Variants in SCAMP1 observed in about 807,000 individuals in gnomAD.
SCAMP1 encodes secretory carrier membrane protein 1.
Under a neutral mutation model 41.8 loss-of-function variants are expected in SCAMP1, and 15 were observed. The observed-to-expected ratio is 0.36, with a 90% CI of 0.24 to 0.55. SCAMP1 has a LOEUF of 0.55. Ranked by LOEUF, SCAMP1 falls within the 20% of genes least tolerant of loss-of-function variation. The pLI is 0.86. For synonymous variants in SCAMP1, 135 were observed against 136.8 expected, an observed-to-expected ratio of 0.99 and a Z score of 0.09; for missense variants, 341 against 412.6, an observed-to-expected ratio of 0.83 and a Z score of 1.50.
chr5:78,362,674 CTG>C (rs1297336158), intron 1 of SCAMP1, among the ~76,000 whole-genome samples: 3 of 152,246 alleles, frequency 2.0e-5, no homozygotes, highest in East Asian at 1.9e-4. Context: ...TTTTTGGTGA[CTG>C]TTATAGCACT....
intron 1 of SCAMP1, among the ~76,000 whole-genome samples, chr5:78,368,747 A>T (rs533582524): frequency 6.6e-6 from 1 of 152,272 alleles, no homozygotes; most frequent in East Asian, 1.9e-4. Flanking sequence ...TACTCAGTGG[A>T]TTTAGTCTAC....
At chr5:78,360,881 C>G (rs1450272443) in intron 1 of SCAMP1, 153 bp downstream of exon 1, 2 of 712,316 alleles carry the variant, frequency 2.8e-6, no homozygotes, top group African/African-American at 3.6e-5. Flanking sequence ...GGGGTCGCGC[C>G]CCGGCCCCGT....
At chr5:78,440,866 G>A (rs1752903754) in intron 6 of SCAMP1, among the ~76,000 whole-genome samples, 1 of 152,190 alleles carries the variant, frequency 6.6e-6, no homozygotes, top group African/African-American at 2.4e-5. Context: ...CCCAGTTCGA[G>A]CTTCCCAGCA....
chr5:78,408,391 G>A (rs1751986687), intron 2 of SCAMP1, among the ~76,000 whole-genome samples: 1 of 152,154 alleles, frequency 6.6e-6, no homozygotes, highest in Non-Finnish European at 1.5e-5. Flanking sequence ...AATTATGGGA[G>A]CTGCAATTCA....
intron 2 of SCAMP1, among the ~76,000 whole-genome samples, chr5:78,398,086 T>G (rs1039992204): frequency 9.9e-5 from 15 of 152,216 alleles, no homozygotes; most frequent in Non-Finnish European, 1.0e-4. Flanking sequence ...GACCCTGTAA[T>G]TCCACTCTTG....
intron 2 of SCAMP1, among the ~76,000 whole-genome samples, chr5:78,390,857 AACG>A (rs1751471804): frequency 6.6e-6 from 1 of 150,944 alleles, no homozygotes; most frequent in Non-Finnish European, 1.5e-5. Flanking sequence ...GATGACTCTT[AACG>A]AGCATGCTGC....
intron 6 of SCAMP1, 110 bp from the exon 7 acceptor site, chr5:78,449,823 T>G: frequency 3.2e-6 from 2 of 630,790 alleles, no homozygotes; most frequent in South Asian, 4.5e-5. Context: ...TTTTAAGGTT[T>G]GAATGTCATT....
chr5:78,417,168 A>G (rs976341819), intron 4 of SCAMP1, among the ~76,000 whole-genome samples: 1 of 152,218 alleles, frequency 6.6e-6, no homozygotes, highest in Non-Finnish European at 1.5e-5. Context: ...GTGCCTGCCA[A>G]AGCACTTCAA....
chr5:78,400,429 T>TA (rs1561261162), intron 2 of SCAMP1, among the ~76,000 whole-genome samples: 3 of 152,222 alleles, frequency 2.0e-5, no homozygotes, highest in African/African-American at 7.2e-5. Flanking sequence ...TGATTGGGAT[T>TA]GCGTTGAATC....
At chr5:78,397,200 A>G (rs1454570752) in intron 2 of SCAMP1, among the ~76,000 whole-genome samples, 1 of 152,232 alleles carries the variant, frequency 6.6e-6, no homozygotes, top group Non-Finnish European at 1.5e-5. Flanking sequence ...TGATCAACTG[A>G]TTTTTGACAA....
At chr5:78,425,338 A>G (rs1408748125) in intron 6 of SCAMP1, among the ~76,000 whole-genome samples, 2 of 152,204 alleles carry the variant, frequency 1.3e-5, no homozygotes, top group African/African-American at 4.8e-5. Context: ...TAAGAAATGG[A>G]ACATTATCAA....
chr5:78,460,073 C>A (rs1053189779), intron 8 of SCAMP1, among the ~76,000 whole-genome samples: 1 of 152,084 alleles, frequency 6.6e-6, no homozygotes, highest in African/African-American at 2.4e-5. Flanking sequence ...TATGTTGCTA[C>A]GAAGGACATA....
Position 78,437,761 on chromosome 5 carries a change from A to G in SCAMP1, c.633-12172A>G, listed in dbSNP as rs373711337. On this transcript the variant is annotated intron_variant, in intron 6 of 8. Coordinates refer to ENST00000621999, the MANE Select transcript of SCAMP1 (RefSeq NM_004866.6). Reference sequence around the variant, plus strand: ...GTTAGGGAGGATTTCCTGTTTTTCTATTGTTTGGAATAGTTTCAGAAGGAA... The same window carrying G: ...GTTAGGGAGGATTTCCTGTTTTTCTGTTGTTTGGAATAGTTTCAGAAGGAA... 1.2e-3 allele frequency among the ~76,000 whole-genome samples: 188 copies of G among 152,076 alleles called. 1 individual carries two copies. The highest frequency in any genetic ancestry group is 6.5e-3 in the South Asian group (31 of 4,806).
chr5:78,363,053 C>T (rs1165431827), intron 1 of SCAMP1, among the ~76,000 whole-genome samples: 1 of 151,662 alleles, frequency 6.6e-6, no homozygotes, highest in Non-Finnish European at 1.5e-5. Context: ...CCACCACACC[C>T]GGCTAATTCT....
At chr5:78,379,263 G>C (rs1751139948) in intron 1 of SCAMP1, among the ~76,000 whole-genome samples, 1 of 152,164 alleles carries the variant, frequency 6.6e-6, no homozygotes, top group African/African-American at 2.4e-5. Flanking sequence ...GGAAATAAAA[G>C]TAAATGTAAA....
chr5:78,443,212 CAAAAAAAAAAAAA>C (rs398051015), intron 6 of SCAMP1, among the ~76,000 whole-genome samples: 2 of 66,054 alleles, frequency 3.0e-5, no homozygotes, highest in Admixed American at 2.3e-4. Flanking sequence ...GACTCTGTCT[CAAAAAAAAAAAAA>C]AAAAAAAAAA....
chr5:78,464,534 C>A (rs775173270), intron 8 of SCAMP1, among the ~76,000 whole-genome samples: 2 of 152,188 alleles, frequency 1.3e-5, no homozygotes, highest in Non-Finnish European at 2.9e-5. Flanking sequence ...ATTCCCTCAT[C>A]CTTCTCGCAG....
At chr5:78,464,901 T>C (rs558263552) in intron 8 of SCAMP1, among the ~76,000 whole-genome samples, 26 of 152,350 alleles carry the variant, frequency 1.7e-4, no homozygotes, top group African/African-American at 5.5e-4. Context: ...CACAGCTCCA[T>C]GATTCACACT....
At chr5:78,431,618 CTG>C (rs1580690208) in intron 6 of SCAMP1, among the ~76,000 whole-genome samples, 2 of 138,102 alleles carry the variant, frequency 1.4e-5, no homozygotes, top group Admixed American at 7.4e-5. Flanking sequence ...TCTCTTAAAA[CTG>C]TTTTTTAGTG....
Sources: allele counts gnomAD v4.1 joint callset (sites outside exome capture counted in the v4.1 genomes callset), GRCh38; gene constraint gnomAD v4.1.1; transcripts MANE v1.5; gene names NCBI Gene and HGNC (gene_info 2026-07-23, HGNC 2026-07-21).